The following NALF1 variants were observed in gnomAD, a reference collection of about 807,000 sequenced individuals.
The protein encoded by NALF1 is family with sequence similarity 155 member A.
A neutral mutation model predicts 48.4 loss-of-function variants in NALF1; 3 were observed. The observed-to-expected ratio is 0.06, with a 90% CI of 0.03 to 0.16. The LOEUF is 0.16. Ranked by LOEUF, NALF1 falls within the 10% of genes least tolerant of loss-of-function variation. The pLI is 1.00. For synonymous variants in NALF1, 262 were observed against 245.7 expected, an observed-to-expected ratio of 1.07 and a Z score of -0.62; for missense variants, 526 against 571.5, an observed-to-expected ratio of 0.92 and a Z score of 0.81.
intron 1 of NALF1, among the ~76,000 whole-genome samples, chr13:107,864,626 A>G (rs2138652881): frequency 6.6e-6 from 1 of 152,300 alleles, no homozygotes; most frequent in African/African-American, 2.4e-5. Context: ...TTACCCTTGG[A>G]ACAAAACATT....
chr13:107,305,118 C>T (rs967222321), intron 1 of NALF1, among the ~76,000 whole-genome samples: 2 of 152,200 alleles, frequency 1.3e-5, no homozygotes, highest in African/African-American at 4.8e-5. Context: ...TCACACTCCC[C>T]AGTTAGCTGG....
chr13:107,610,834 C>T (rs1256125867), intron 1 of NALF1, among the ~76,000 whole-genome samples: 1 of 152,144 alleles, frequency 6.6e-6, no homozygotes, highest in Non-Finnish European at 1.5e-5. Context: ...ACAGAGTCAA[C>T]ACGGAGGTTT....
intron 1 of NALF1, among the ~76,000 whole-genome samples, chr13:107,552,519 G>A (rs1457368642): frequency 6.6e-6 from 1 of 152,028 alleles, no homozygotes; most frequent in East Asian, 1.9e-4. Flanking sequence ...AGAAAATCAG[G>A]AGTCCATCAG....
At chr13:107,860,900 A>G (rs1028877657) in intron 1 of NALF1, among the ~76,000 whole-genome samples, 1 of 152,208 alleles carries the variant, frequency 6.6e-6, no homozygotes, top group African/African-American at 2.4e-5. Context: ...TTCATCATGT[A>G]TATGTGGACA....
intron 1 of NALF1, among the ~76,000 whole-genome samples, chr13:107,255,214 C>A (rs966665416): frequency 2.6e-5 from 4 of 152,180 alleles, no homozygotes; most frequent in African/African-American, 7.2e-5. Context: ...AGTGTGCTGG[C>A]AGAAAACACA....
intron 1 of NALF1, among the ~76,000 whole-genome samples, chr13:107,404,719 ATTAT>A (rs1049826010): frequency 2.0e-5 from 3 of 152,052 alleles, no homozygotes; most frequent in Non-Finnish European, 2.9e-5. Flanking sequence ...TATGAGTCCT[ATTAT>A]TTATTTATTA....
chr13:107,297,012 GT>G (rs1175099274), intron 1 of NALF1, among the ~76,000 whole-genome samples: 1 of 151,616 alleles, frequency 6.6e-6, no homozygotes, highest in Non-Finnish European at 1.5e-5. Context: ...ATAGATTAGA[GT>G]TTTTTTATTT....
At chr13:107,299,907 G>T (rs938287955) in intron 1 of NALF1, among the ~76,000 whole-genome samples, 2 of 152,070 alleles carry the variant, frequency 1.3e-5, no homozygotes, top group African/African-American at 4.8e-5. Context: ...GCCACAAAAA[G>T]CTTCAGGCTT....
intron 1 of NALF1, among the ~76,000 whole-genome samples, chr13:107,360,202 CAG>C (rs1428115113): frequency 6.6e-6 from 1 of 152,146 alleles, no homozygotes; most frequent in Admixed American, 6.6e-5. Flanking sequence ...TAAAATGAAT[CAG>C]AGTCAAAGGA....
intron 1 of NALF1, among the ~76,000 whole-genome samples, chr13:107,376,987 A>G (rs11842649): frequency 0.015 from 2,348 of 152,238 alleles, 54 homozygotes; most frequent in African/African-American, 0.053. Context: ...CTCTGGCCGC[A>G]TTTAATGCCA....
At chr13:107,514,535 C>G (rs1359139) in intron 1 of NALF1, among the ~76,000 whole-genome samples, 2,670 of 151,942 alleles carry the variant, frequency 0.018, 56 homozygotes, top group Middle Eastern at 0.041. Context: ...GAAGGCCAGC[C>G]GTGCCATCAA....
chr13:107,530,888 C>A (rs528054312), intron 1 of NALF1, among the ~76,000 whole-genome samples: 1 of 151,924 alleles, frequency 6.6e-6, no homozygotes, highest in Non-Finnish European at 1.5e-5. Flanking sequence ...AGCAGGATTG[C>A]CTGAAATGTG....
In NALF1 at chr13:107,166,749, C is replaced by T. The variant is rs2806519; in HGVS notation, c.*3748G>A. Reference sequence around the variant, plus strand: ...GAAACCTCCTTTCCCCCTCATTCCCCGACTCTATCCCTCCCTTCTTCCCTC... The same window carrying T: ...GAAACCTCCTTTCCCCCTCATTCCCTGACTCTATCCCTCCCTTCTTCCCTC... On this transcript the variant is annotated 3_prime_UTR_variant, in exon 3 of 3. Coordinates refer to ENST00000375915, the MANE Select transcript of NALF1 (RefSeq NM_001080396.3). 108,319 of 151,852 alleles carry T rather than the reference C, an allele frequency of 0.71. 38,935 individuals carry two copies. Among genetic ancestry groups the T allele is most frequent in the African/African-American group, 0.79 (32,895 of 41,384 alleles). 9.4% of individuals were successfully genotyped at this position (151,852 alleles called of 1,614,324 possible). A position where few individuals can be genotyped will look rare whatever the true frequency, so the allele number is the denominator to read the frequency against.
At chr13:107,804,773 T>C (rs1426735590) in intron 1 of NALF1, among the ~76,000 whole-genome samples, 2 of 152,212 alleles carry the variant, frequency 1.3e-5, no homozygotes, top group African/African-American at 4.8e-5. Flanking sequence ...TGAAAGATTG[T>C]GGTGTAATGA....
chr13:107,171,684 C>G (rs1878807824), intron 2 of NALF1, among the ~76,000 whole-genome samples: 1 of 152,202 alleles, frequency 6.6e-6, no homozygotes, highest in Non-Finnish European at 1.5e-5. Flanking sequence ...TATCTACAAT[C>G]TTTCCAATCC....
intron 1 of NALF1, among the ~76,000 whole-genome samples, chr13:107,452,924 T>C (rs1884766408): frequency 1.3e-5 from 2 of 152,138 alleles, no homozygotes; most frequent in Admixed American, 1.3e-4. Flanking sequence ...TGAAATCCAA[T>C]AGGGCAGTAA....
intron 1 of NALF1, among the ~76,000 whole-genome samples, chr13:107,655,060 T>C (rs1880541223): frequency 6.6e-6 from 1 of 152,038 alleles, no homozygotes; most frequent in Admixed American, 6.6e-5. Flanking sequence ...TGGGGAAAAG[T>C]TGAAATCACT....
At chr13:107,229,522 CAGCTGCTA>C (rs1168379572) in intron 1 of NALF1, among the ~76,000 whole-genome samples, 3 of 152,130 alleles carry the variant, frequency 2.0e-5, no homozygotes, top group Non-Finnish European at 4.4e-5. Flanking sequence ...GCCTTCGGCT[CAGCTGCTA>C]ACCTTTCCAT....
intron 1 of NALF1, among the ~76,000 whole-genome samples, chr13:107,518,856 C>A (rs537116959): frequency 3.3e-5 from 5 of 152,128 alleles, no homozygotes; most frequent in Non-Finnish European, 4.4e-5. Context: ...TAGAACTGAA[C>A]GAGATAACAA....
Sources: gnomAD v4.1 joint callset for allele counts (sites outside exome capture counted in the v4.1 genomes callset) on GRCh38, gnomAD v4.1.1 for gene constraint, MANE v1.5 for transcripts, NCBI Gene and HGNC (gene_info 2026-07-23, HGNC 2026-07-21) for gene names.